Variants in EYS observed in about 807,000 individuals in gnomAD.
EYS encodes the protein protein eyes shut homolog.
Under a neutral mutation model 282.1 loss-of-function variants are expected in EYS, and 250 were observed. That is an observed-to-expected ratio of 0.89 (90% CI 0.80 to 0.98). The LOEUF (loss-of-function observed/expected upper bound fraction) is 0.98, where lower values mean the gene tolerates loss of function less well. EYS is among the 50% of genes least tolerant of loss of function. The probability of loss-of-function intolerance (pLI) is 0.00; values close to 1 mark genes in which losing one functional copy is unlikely to be tolerated. For missense variants in EYS, 4,016 were observed against 3,709.0 expected, an observed-to-expected ratio of 1.08 and a Z score of -2.15; for synonymous variants, 1,355 against 1,282.9, an observed-to-expected ratio of 1.06 and a Z score of -1.20.
At chr6:64,686,843 A>ATATATATACGTG (rs1770147283) in intron 22 of EYS, among the ~76,000 whole-genome samples, 1 of 41,038 alleles carries the variant, frequency 2.4e-5, no homozygotes, top group Admixed American at 2.4e-4. Flanking sequence ...ATATACGTGT[A>ATATATATACGTG]TATATATATA....
At chr6:65,544,152 G>A (rs1362275913) in intron 2 of EYS, among the ~76,000 whole-genome samples, 13 of 151,946 alleles carry the variant, frequency 8.6e-5, no homozygotes, top group Non-Finnish European at 1.5e-5. Context: ...CACATGGGTG[G>A]CCTTTGGTTT....
At chr6:64,111,179 A>G (rs1446790215) in intron 31 of EYS, among the ~76,000 whole-genome samples, 1 of 152,066 alleles carries the variant, frequency 6.6e-6, no homozygotes, top group Non-Finnish European at 1.5e-5. Flanking sequence ...TACAAAAAGT[A>G]AAATTCACTC....
chr6:64,618,400 G>A (rs1365503493), intron 23 of EYS, among the ~76,000 whole-genome samples: 2 of 152,084 alleles, frequency 1.3e-5, no homozygotes, highest in Non-Finnish European at 2.9e-5. Flanking sequence ...GGGACAATGG[G>A]TCTTTACAGG....
At chr6:65,619,631 C>A (rs1034824472) in intron 2 of EYS, among the ~76,000 whole-genome samples, 2 of 151,720 alleles carry the variant, frequency 1.3e-5, no homozygotes, top group African/African-American at 4.8e-5. Context: ...TGTCTTGTGC[C>A]CGTTTTCAAA....
At chr6:64,299,893 A>G (rs1013035187) in intron 30 of EYS, among the ~76,000 whole-genome samples, 1 of 152,162 alleles carries the variant, frequency 6.6e-6, no homozygotes, top group Non-Finnish European at 1.5e-5. Flanking sequence ...TATACACAGA[A>G]GAGCCTAAAA....
At chr6:64,718,101 A>G (rs1771457406) in intron 22 of EYS, among the ~76,000 whole-genome samples, 1 of 152,190 alleles carries the variant, frequency 6.6e-6, no homozygotes. Flanking sequence ...TTCTAGTGTA[A>G]TGGATATATT....
chr6:64,298,072 A>G (rs558944439), intron 30 of EYS, among the ~76,000 whole-genome samples: 17 of 152,238 alleles, frequency 1.1e-4, no homozygotes, highest in Middle Eastern at 3.4e-3. Context: ...CTTCCTTGCT[A>G]GAAATGCTCA....
intron 12 of EYS, among the ~76,000 whole-genome samples, chr6:65,164,568 T>A (rs1263502927): frequency 6.6e-6 from 1 of 151,522 alleles, no homozygotes; most frequent in East Asian, 2.0e-4. Context: ...TAGACAGATC[T>A]AGATCTATCT....
At chr6:65,265,177 C>G (rs974071463) in intron 12 of EYS, among the ~76,000 whole-genome samples, 1 of 151,872 alleles carries the variant, frequency 6.6e-6, no homozygotes, top group Admixed American at 6.6e-5. Context: ...ATCTTTTGTA[C>G]CCAAACTTCA....
chr6:65,375,943 G>A (rs1765347265), intron 8 of EYS, among the ~76,000 whole-genome samples: 2 of 152,074 alleles, frequency 1.3e-5, no homozygotes, highest in South Asian at 4.1e-4. Flanking sequence ...GAAGCAAGTT[G>A]GAAAACACTT....
chr6:65,006,259 TA>T (rs34590430), intron 13 of EYS, among the ~76,000 whole-genome samples: 84 of 145,218 alleles, frequency 5.8e-4, no homozygotes, highest in East Asian at 1.4e-3. Flanking sequence ...TATTAATAGT[TA>T]AAAAAAAAAA....
chr6:63,766,291 C>A (rs1340702454), intron 40 of EYS, among the ~76,000 whole-genome samples: 2 of 151,956 alleles, frequency 1.3e-5, no homozygotes, highest in African/African-American at 4.8e-5. Context: ...GGCCCATCTA[C>A]CATAGTTTTC....
chr6:64,997,418 A>C (rs1583377103), intron 14 of EYS, among the ~76,000 whole-genome samples, 164 bp downstream of exon 14: 1 of 125,420 alleles, frequency 8.0e-6, no homozygotes. Flanking sequence ...CCTTTAAGTT[A>C]AAAAAAAAAA....
At chr6:64,548,116 C>A (rs1324624572) in intron 26 of EYS, among the ~76,000 whole-genome samples, 1 of 152,200 alleles carries the variant, frequency 6.6e-6, no homozygotes, top group Non-Finnish European at 1.5e-5. Flanking sequence ...TCCCACCATG[C>A]AGCAGAGGGC....
chr6:65,356,196 G>A (rs183955351), intron 8 of EYS, among the ~76,000 whole-genome samples: 124 of 151,842 alleles, frequency 8.2e-4, no homozygotes, highest in African/African-American at 2.9e-3. Flanking sequence ...TGTCTTCTGC[G>A]GCAAAAAAAT....
rs1025871960 is a variant in EYS, at chr6:64,887,890, TACTC to T, written c.2847-1052_2847-1049del. On this transcript the variant is annotated intron_variant, in intron 18 of 42. Transcript: ENST00000503581. The stretch of plus-strand genomic sequence containing the variant: ...AGACAAGAGGTGACAGAAAAGGTCT[TACTC>T]AGTATTAATAAAGAAGGAGCAGGAT... Among the ~76,000 whole-genome samples, 7 of 152,180 alleles carry T rather than the reference TACTC, an allele frequency of 4.6e-5. No individual in the cohort carries two copies. In the South Asian group the frequency reaches 1.0e-3, roughly 22 times the overall value.
chr6:64,092,783 T>G (rs1772419010), intron 31 of EYS, among the ~76,000 whole-genome samples: 1 of 151,578 alleles, frequency 6.6e-6, no homozygotes, highest in Non-Finnish European at 1.5e-5. Context: ...CAATTTTGGC[T>G]TTTGTTGCCA....
intron 2 of EYS, among the ~76,000 whole-genome samples, chr6:65,543,617 A>G (rs1768265475): frequency 6.6e-6 from 1 of 151,878 alleles, no homozygotes. Flanking sequence ...TTGCTTTGTA[A>G]TCACTTCAAT....
intron 19 of EYS, among the ~76,000 whole-genome samples, chr6:64,858,189 G>A (rs1477606726): frequency 6.6e-6 from 1 of 152,124 alleles, no homozygotes; most frequent in Non-Finnish European, 1.5e-5. Flanking sequence ...ATGTAATGGA[G>A]ATTGTTGGCT....
Sources: allele counts gnomAD v4.1 joint callset (sites outside exome capture counted in the v4.1 genomes callset), GRCh38; gene constraint gnomAD v4.1.1; transcripts MANE v1.5; gene names NCBI Gene and HGNC (gene_info 2026-07-23, HGNC 2026-07-21).